LDLRAD1: variants seen among roughly 807,000 people sequenced by gnomAD.
LDLRAD1 encodes low-density lipoprotein receptor class A domain-containing protein 1.
In LDLRAD1, 17 loss-of-function variants were observed where a neutral mutation model predicts 24.8. That is an observed-to-expected ratio of 0.69 (90% CI 0.47 to 1.03). The LOEUF is 1.03. Among genes scored for constraint, LDLRAD1 ranks in the 50% least tolerant of loss-of-function variants. The probability of loss-of-function intolerance (pLI) is 0.00; values close to 1 mark genes in which losing one functional copy is unlikely to be tolerated. For missense variants in LDLRAD1, 277 were observed against 271.0 expected (o/e 1.02, Z -0.16); for synonymous variants, 103 against 108.2 (o/e 0.95, Z 0.30).
intron 3 of LDLRAD1, among the ~76,000 whole-genome samples, 159 bp downstream of exon 3, chr1:54,014,077 G>A (rs1476266531): frequency 1.3e-5 from 2 of 152,138 alleles, no homozygotes; most frequent in South Asian, 2.1e-4. Flanking sequence ...TATAGTCAGT[G>A]TGTGTGCAGG....
At chr1:54,009,772 A>G (rs189936860) in intron 5 of LDLRAD1, among the ~76,000 whole-genome samples, 9 of 152,310 alleles carry the variant, frequency 5.9e-5, no homozygotes, top group Non-Finnish European at 1.0e-4. Flanking sequence ...CCACTGGGGA[A>G]GAGATTGAGA....
chr1:54,015,576 G>T (rs1296401183), intron 2 of LDLRAD1, among the ~76,000 whole-genome samples: 4 of 152,100 alleles, frequency 2.6e-5, no homozygotes, highest in African/African-American at 9.7e-5. Context: ...GAAAGGGGCA[G>T]GAGCAGGTGT....
At chr1:54,009,714 G>T (rs1655967573) in intron 5 of LDLRAD1, among the ~76,000 whole-genome samples, 3 of 152,084 alleles carry the variant, frequency 2.0e-5, no homozygotes, top group Admixed American at 2.0e-4. Flanking sequence ...CTGATACCAG[G>T]TGCGTTCTGA....
In LDLRAD1 at chr1:54,012,132, C is replaced by A. The variant is rs780290834; in HGVS notation, c.340+11G>T. 67 of 1,613,144 alleles carry A rather than the reference C, an allele frequency of 4.2e-5. No individual in the cohort carries two copies. The African/African-American group carries it at 7.1e-4, about 17-fold the overall frequency. ...AACCCCTGGGAGGGGCAGCACCGAG[C>A]GGGTACTCACGGCACAAGCTCTCAT... On this transcript the variant is annotated intron_variant, in intron 4 of 5. Transcript: ENST00000371360.
At chr1:54,011,272 G>A (rs1656038775) in intron 4 of LDLRAD1, among the ~76,000 whole-genome samples, 1 of 152,120 alleles carries the variant, frequency 6.6e-6, no homozygotes, top group Non-Finnish European at 1.5e-5. Context: ...GGGCAGGGTT[G>A]ACAGAAGGAC....
Position 54,008,779 on chromosome 1 carries a change from T to G in LDLRAD1, c.*203A>C. 7.7e-6 allele frequency: 4 copies of G among 516,440 alleles called. No homozygotes were observed. Among genetic ancestry groups the G allele is most frequent in the Non-Finnish European group, 1.4e-5 (4 of 291,350 alleles). The allele number at this position is 516,440 out of a possible 1,614,324, so 32.0% of individuals were successfully genotyped here. On this transcript the variant is annotated 3_prime_UTR_variant, in exon 6 of 6. Coordinates refer to ENST00000371360, the MANE Select transcript of LDLRAD1 (RefSeq NM_001010978.4). ...CATCTTTGTTAGAAGCCACCTAACA[T>G]GGTAATGAGCTCCTGGTCATTGGAA...
In LDLRAD1 at chr1:54,012,251, T is replaced by C. The variant is rs759836465; in HGVS notation, c.232A>G (p.Arg78Gly). 5.0e-6 allele frequency: 8 copies of C among 1,614,156 alleles called. No individual in the cohort carries two copies. In the East Asian group the frequency reaches 1.8e-4, roughly 36 times the overall value. Residue 78 changes from arginine to glycine, a missense_variant, in exon 4 of 6, where the codon AGG (arginine) becomes GGG (glycine). Arg to Gly is a moderately radical substitution (Grantham distance 125, BLOSUM62 -2). Coordinates refer to ENST00000371360, the MANE Select transcript of LDLRAD1 (RefSeq NM_001010978.4). ...GAQACITLTN[R>G]TGFLCHDQRS... ...TGGTCATGGCACAAGAAGCCTGTCCTGTTTGTCAGTGTTATACAAGCTTGG... is the reference window on the plus strand; with the variant it reads ...TGGTCATGGCACAAGAAGCCTGTCCCGTTTGTCAGTGTTATACAAGCTTGG...
rs761757693 is a variant in LDLRAD1 at position 54,012,169 on chromosome 1, C to A, written c.314G>T (p.Gly105Val). The change falls in exon 4 of 6, where the codon GGC becomes GTC. Residue 105 changes from glycine to valine, a missense_variant. Physicochemically the swap from Gly to Val is moderately radical, Grantham distance 109. Coordinates refer to ENST00000371360, the MANE Select transcript of LDLRAD1 (RefSeq NM_001010978.4). The stretch of plus-strand genomic sequence containing the variant: ...GCACAAGCTCTCATCCTCGTCCTCG[C>A]CGTGGGTACAGGTGCGAACGCCATC... ...VCDGVRTCTH[G>V]EDEDESLCRD... 1.9e-6 allele frequency: 3 copies of A among 1,614,072 alleles called. No individual in the cohort carries two copies. In the Admixed American group the frequency reaches 5.0e-5, roughly 27 times the overall value.
At chr1:54,017,862 C>T (rs919145441) in intron 1 of LDLRAD1, among the ~76,000 whole-genome samples, 2 of 152,104 alleles carry the variant, frequency 1.3e-5, no homozygotes, top group South Asian at 2.1e-4. Flanking sequence ...CGGGGCAGGA[C>T]GGGGGCTGAT....
Position 54,012,374 on chromosome 1 carries a change from G to A in LDLRAD1, c.203-94C>T, listed in dbSNP as rs1042050086. 5.2e-5 allele frequency: 73 copies of A among 1,391,644 alleles called. No individual in the cohort carries two copies. The East Asian group carries it at 1.5e-3, about 29-fold the overall frequency. 86.2% of individuals were successfully genotyped at this position (1,391,644 alleles called of 1,614,324 possible). On this transcript the variant is annotated intron_variant, in intron 3 of 5. Coordinates refer to ENST00000371360, the MANE Select transcript of LDLRAD1 (RefSeq NM_001010978.4). The stretch of plus-strand genomic sequence containing the variant: ...AACTCCGCCTAGAGCTGGCCTGAGG[G>A]GCTGGGGCAGTGGGGAGGATGGACC...
At chr1:54,014,387 CG>C in intron 2 of LDLRAD1, 23 bp from the exon 3 acceptor site, 3 of 1,538,330 alleles carry the variant, frequency 2.0e-6, no homozygotes, top group Non-Finnish European at 2.6e-6. Context: ...GAAACAAGCC[CG>C]GGGGTGGTGG....
intron 2 of LDLRAD1, 124 bp from the exon 3 acceptor site, chr1:54,014,488 G>A: frequency 1.1e-6 from 1 of 941,954 alleles, no homozygotes; most frequent in Non-Finnish European, 1.6e-6. Flanking sequence ...AGCAGAGCAG[G>A]GATGGCTTCC....
rs142020028 is a variant in LDLRAD1, at chr1:54,007,995, T to A, written c.*987A>T. ...CTGGAAAGATAAGCACAGAAGCAGC[T>A]CATTCAGGCTCCAGGATCAAAATAT... On this transcript the variant is annotated 3_prime_UTR_variant, in exon 6 of 6. Transcript: ENST00000371360. The A allele has an allele frequency of 6.6e-6, 1 of 152,374 alleles. No homozygotes were observed. The highest frequency in any genetic ancestry group is 1.9e-4 in the East Asian group (1 of 5,184). The allele number at this position is 152,374 out of a possible 1,614,324, so 9.4% of individuals were successfully genotyped here.
Position 54,012,184 on chromosome 1 carries a change from C to G in LDLRAD1, c.299G>C (p.Arg100Pro). 1.2e-6 allele frequency: 2 copies of G among 1,614,120 alleles called. No individual in the cohort carries two copies. The highest frequency in any genetic ancestry group is 1.7e-5 in the Admixed American group (1 of 60,028). Residue 100 changes from arginine (R) to proline (P), a missense_variant, in exon 4 of 6, where the codon CGC (arginine) becomes CCC (proline). Arg to Pro is a moderately radical substitution (Grantham distance 103, BLOSUM62 -2). Transcript: ENST00000371360. ...IPASGVCDGV[R>P]TCTHGEDEDE... The stretch of plus-strand genomic sequence containing the variant: ...CTCGTCCTCGCCGTGGGTACAGGTG[C>G]GAACGCCATCACAGACCCCACTGGC...
intron 5 of LDLRAD1, among the ~76,000 whole-genome samples, chr1:54,009,368 T>A (rs1655954040): frequency 1.3e-5 from 2 of 152,116 alleles, no homozygotes. Context: ...AAGCTTGTTA[T>A]CAAGCAAAGG....
intron 4 of LDLRAD1, among the ~76,000 whole-genome samples, chr1:54,010,921 G>A (rs1490735618): frequency 6.6e-6 from 1 of 152,176 alleles, no homozygotes; most frequent in Non-Finnish European, 1.5e-5. Context: ...CAGTGTGATA[G>A]GGCTATCAAA....
chr1:54,014,190 T>C, intron 3 of LDLRAD1, 46 bp downstream of exon 3: 1 of 1,558,148 alleles, frequency 6.4e-7, no homozygotes. Context: ...TGCCCTCCCA[T>C]GCCCTCCCCG....
In LDLRAD1 at chr1:54,018,164, G is replaced by A. The variant is rs771003529; in HGVS notation, c.-52C>T. 8.1e-6 allele frequency: 13 copies of A among 1,609,020 alleles called. No individual in the cohort carries two copies. The highest frequency in any genetic ancestry group is 1.7e-4 in the Middle Eastern group (1 of 6,036). ...GGGCTGTGTGCAGAGAGCTCAGCAC[G>A]GGTTCCCTGCATTGTCACCAAGGCC... On this transcript the variant is annotated 5_prime_UTR_variant, in exon 1 of 6. Coordinates refer to ENST00000371360, the MANE Select transcript of LDLRAD1 (RefSeq NM_001010978.4).
In LDLRAD1 at chr1:54,010,337, G is replaced by A. The variant is rs1432809399; in HGVS notation, c.414C>T (p.Asp138=). The part of the protein sequence containing the change: ...CGDPASWIYS[D]QKCDGTNNCG... ...AGTTGTTAGTGCCATCACATTTTTG[G>A]TCTGAGTAGATCCAGGAGGCCGGGT... The change falls in exon 5 of 6, where the codon GAC becomes GAT. Residue 138 remains aspartate, a synonymous_variant. Coordinates refer to ENST00000371360, the MANE Select transcript of LDLRAD1 (RefSeq NM_001010978.4). 6.2e-7 allele frequency: 1 copy of A among 1,613,920 alleles called. No individual in the cohort carries two copies. The highest frequency in any genetic ancestry group is 1.3e-5 in the African/African-American group (1 of 74,858).
Sources: allele counts gnomAD v4.1 joint callset (sites outside exome capture counted in the v4.1 genomes callset), GRCh38; gene constraint gnomAD v4.1.1; transcripts MANE v1.5; gene names NCBI Gene and HGNC (gene_info 2026-07-23, HGNC 2026-07-21).